The following CKAP2 variants were observed in gnomAD, a reference collection of about 807,000 sequenced individuals.
The protein encoded by CKAP2 is cytoskeleton-associated protein 2.
A neutral mutation model predicts 58.4 loss-of-function variants in CKAP2; 46 were observed. The observed-to-expected ratio is 0.79, with a 90% confidence interval of 0.62 to 1.01. CKAP2 has a LOEUF of 1.01. Among genes scored for constraint, CKAP2 ranks in the 50% least tolerant of loss-of-function variants. The pLI is 0.00. For missense variants in CKAP2, 809 were observed against 796.4 expected, an observed-to-expected ratio of 1.02 and a Z score of -0.19; for synonymous variants, 293 against 280.9, an observed-to-expected ratio of 1.04 and a Z score of -0.43.
chr13:52,461,790 A>ATG lies in CKAP2; in HGVS notation c.965_966insGT (p.Ile322MetfsTer2). 1 of 1,614,144 alleles carries ATG rather than the reference A, an allele frequency of 6.2e-7. No homozygotes were observed. Among genetic ancestry groups the ATG allele is most frequent in the Non-Finnish European group, 8.5e-7 (1 of 1,179,984 alleles). ...ATCAAGATCCATAGCATCTGAAGTT[A>ATG]TAGCCAGGCCTGCTTCATTGTCTAA... On this transcript the variant is annotated frameshift_variant, in exon 4 of 9. Transcript: ENST00000258607. LOFTEE classifies it high-confidence loss of function.
At chr13:52,471,348 G>A (rs1175385864) in intron 7 of CKAP2, among the ~76,000 whole-genome samples, 1 of 152,080 alleles carries the variant, frequency 6.6e-6, no homozygotes, top group Non-Finnish European at 1.5e-5. Context: ...GTGTTTTCTA[G>A]CAGGTATCAT....
intron 6 of CKAP2, among the ~76,000 whole-genome samples, chr13:52,466,032 CACATATAT>C (rs1958672514): frequency 6.6e-6 from 1 of 150,576 alleles, no homozygotes; most frequent in African/African-American, 2.4e-5. Context: ...TACACATATA[CACATATAT>C]ACACACACAC....
At chr13:52,456,477 A>C (rs749344408) in intron 1 of CKAP2, 46 bp from the exon 2 acceptor site, 1 of 1,372,630 alleles carries the variant, frequency 7.3e-7, no homozygotes, top group Non-Finnish European at 1.0e-6. Flanking sequence ...GCCGTTATCG[A>C]TGTTTTAACT....
At position 52,462,435 on chromosome 13, in the gene CKAP2, G is replaced by A. The variant is rs1477222668; in HGVS notation, c.1173G>A (p.Gln391=). The change falls in exon 5 of 9, where the codon CAG becomes CAA. Residue 391 remains glutamine (Q), a synonymous_variant. Coordinates refer to ENST00000258607, the MANE Select transcript of CKAP2 (RefSeq NM_018204.5). ...GGCCCCCTAATTCAGTAGTTACTCA[G>A]CATGAGCCTGCAGGACAAAATGAAA... The part of the protein sequence containing the change: ...LKRPPNSVVT[Q]HEPAGQNEKP... 6.2e-7 allele frequency: 1 copy of A among 1,614,084 alleles called. No homozygotes were observed. Among genetic ancestry groups the A allele is most frequent in the African/African-American group, 1.3e-5 (1 of 75,044 alleles).
At chr13:52,473,536 G>A (rs1357593567) in intron 7 of CKAP2, 4 of 250,496 alleles carry the variant, frequency 1.6e-5, no homozygotes, top group Non-Finnish European at 2.3e-5. Flanking sequence ...CCTAAATCTC[G>A]CTTGTGAAGC....
At chr13:52,465,035 A>G (rs1958643912) in intron 5 of CKAP2, among the ~76,000 whole-genome samples, 1 of 152,234 alleles carries the variant, frequency 6.6e-6, no homozygotes, top group Admixed American at 6.5e-5. Flanking sequence ...AAGACGAGGA[A>G]AAAAAACTCC....
chr13:52,475,052 C>T lies in CKAP2; in HGVS notation c.1960C>T (p.Leu654=). Reference sequence around the variant, plus strand: ...TCCTTGTGTGTCTTCATTGGAACAGCTAACGGAGTTGGGAAGAGAAACTGA... The same window carrying T: ...TCCTTGTGTGTCTTCATTGGAACAGTTAACGGAGTTGGGAAGAGAAACTGA... ...HYPCVSSLEQ[L]TELGRETDAF... The change falls in exon 9 of 9, where the codon CTA becomes TTA. Residue 654 remains leucine, a synonymous_variant. Transcript: ENST00000258607. 2 of 1,614,202 alleles carry T rather than the reference C, an allele frequency of 1.2e-6. No individual in the cohort carries two copies. Among genetic ancestry groups the T allele is most frequent in the East Asian group, 4.5e-5 (2 of 44,884 alleles).
intron 5 of CKAP2, among the ~76,000 whole-genome samples, chr13:52,463,841 G>C (rs1003333795): frequency 3.3e-5 from 5 of 152,254 alleles, no homozygotes; most frequent in African/African-American, 1.2e-4. Context: ...TTCTTTTTCT[G>C]TTCTGGATAA....
In CKAP2 at chr13:52,476,303, T is replaced by C. The variant is rs529888290; in HGVS notation, c.*1162T>C. On this transcript the variant is annotated 3_prime_UTR_variant, in exon 9 of 9. Coordinates refer to ENST00000258607, the MANE Select transcript of CKAP2 (RefSeq NM_018204.5). ...TCTCATGTTCTAGAGAGTAGGACTTTTATTCCGTGTACCTGATATATATAC... is the reference window on the plus strand; with the variant it reads ...TCTCATGTTCTAGAGAGTAGGACTTCTATTCCGTGTACCTGATATATATAC... 3 of 152,230 alleles carry C rather than the reference T, an allele frequency of 2.0e-5. No individual in the cohort carries two copies. The highest frequency in any genetic ancestry group is 2.9e-5 in the Non-Finnish European group (2 of 68,028). The allele number at this position is 152,230 out of a possible 1,614,324, so 9.4% of individuals were successfully genotyped here. A position where few individuals can be genotyped will look rare whatever the true frequency, so the allele number is the denominator to read the frequency against.
At chr13:52,455,713 C>T in intron 1 of CKAP2, 87 bp downstream of exon 1, 1 of 1,318,118 alleles carries the variant, frequency 7.6e-7, no homozygotes, top group Non-Finnish European at 9.8e-7. Flanking sequence ...GCCGCGCTGG[C>T]GCGCTTCACC....
chr13:52,455,635 CGCG>C lies in CKAP2; in HGVS notation c.70+11_70+13del. On this transcript the variant is annotated intron_variant, in intron 1 of 8. Coordinates refer to ENST00000258607, the MANE Select transcript of CKAP2 (RefSeq NM_018204.5). ...GCAGTCCGCATTCAAAGGTGAAGGC[CGCG>C]GTGGCGGTGGCGGTGGCGGTGGCGG... The C allele has an allele frequency of 6.4e-7, 1 of 1,562,974 alleles. No homozygotes were observed. The highest frequency in any genetic ancestry group is 1.2e-5 in the South Asian group (1 of 86,218).
chr13:52,462,697 CTG>C, intron 5 of CKAP2, 130 bp downstream of exon 5: 1 of 676,454 alleles, frequency 1.5e-6, no homozygotes, highest in South Asian at 2.0e-5. Context: ...TTAACATTAA[CTG>C]TGAGGTTATT....
chr13:52,461,970 G>C, intron 4 of CKAP2, 44 bp downstream of exon 4: 1 of 1,460,808 alleles, frequency 6.8e-7, no homozygotes, highest in Non-Finnish European at 9.2e-7. Flanking sequence ...TTTCAATAAA[G>C]TACTGTTTGT....
chr13:52,465,470 G>A lies in CKAP2; in HGVS notation c.1476+5G>A, dbSNP rs773311360. 3.5e-5 allele frequency: 57 copies of A among 1,608,678 alleles called. 2 individuals are homozygous for A. The South Asian group carries it at 6.3e-4, about 18-fold the overall frequency. On this transcript the variant is annotated splice_donor_5th_base_variant and intron_variant, in intron 6 of 8. Coordinates refer to ENST00000258607, the MANE Select transcript of CKAP2 (RefSeq NM_018204.5). Reference sequence around the variant, plus strand: ...GCCATTCTGGCAGGGGCTCAGGTAAGATAAAAATTTACTGATCTTTACAAT... The same window carrying A: ...GCCATTCTGGCAGGGGCTCAGGTAAAATAAAAATTTACTGATCTTTACAAT...
At chr13:52,460,580 G>A (rs918228071) in intron 2 of CKAP2, among the ~76,000 whole-genome samples, 3 of 149,006 alleles carry the variant, frequency 2.0e-5, no homozygotes, top group Non-Finnish European at 3.0e-5. Flanking sequence ...TAGTAGCTGG[G>A]ACTACAGGAC....
chr13:52,458,788 C>G (rs1463538048), intron 2 of CKAP2, among the ~76,000 whole-genome samples: 1 of 150,570 alleles, frequency 6.6e-6, no homozygotes, highest in Non-Finnish European at 1.5e-5. Flanking sequence ...ACCTGGGAGG[C>G]GGAGGTTGCA....
rs1415062852 is a variant in CKAP2, at chr13:52,475,855, A to G, written c.*714A>G. On this transcript the variant is annotated 3_prime_UTR_variant, in exon 9 of 9. Coordinates refer to ENST00000258607, the MANE Select transcript of CKAP2 (RefSeq NM_018204.5). ...TCTAAGAGAAGATACTTTGTGTAAG[A>G]AAAGATGCCACATTTAGTGGTTTAA... 6.6e-6 allele frequency: 1 copy of G among 152,236 alleles called. No individual in the cohort carries two copies. Among genetic ancestry groups the G allele is most frequent in the African/African-American group, 2.4e-5 (1 of 41,456 alleles). 9.4% of individuals were successfully genotyped at this position (152,236 alleles called of 1,614,324 possible). A position where few individuals can be genotyped will look rare whatever the true frequency, so the allele number is the denominator to read the frequency against.
At position 52,461,176 on chromosome 13, in the gene CKAP2, C is replaced by A; in HGVS notation, c.350C>A (p.Thr117Lys). 6.2e-7 allele frequency: 1 copy of A among 1,613,896 alleles called. No individual in the cohort carries two copies. Among genetic ancestry groups the A allele is most frequent in the Non-Finnish European group, 8.5e-7 (1 of 1,179,976 alleles). ...ACCAATTCAACTGTAGTAATTGACA[C>A]ACATAAACCTAAGGATAGTAATCAA... The part of the protein sequence containing the change: ...ELTNSTVVID[T>K]HKPKDSNQTP... Residue 117 changes from threonine (T) to lysine (K), a missense_variant, in exon 4 of 9, where the codon ACA becomes AAA. Coordinates refer to ENST00000258607, the MANE Select transcript of CKAP2 (RefSeq NM_018204.5).
chr13:52,465,395 T>C lies in CKAP2; in HGVS notation c.1406T>C (p.Ile469Thr), dbSNP rs201479437. 179 of 1,613,566 alleles carry C rather than the reference T, an allele frequency of 1.1e-4. No individual in the cohort carries two copies. The highest frequency in any genetic ancestry group is 3.3e-4 in the Middle Eastern group (2 of 6,054). Residue 469 changes from isoleucine to threonine, a missense_variant, in exon 6 of 9, where the codon ATT (isoleucine) becomes ACT (threonine). Ile to Thr is a moderately conservative substitution (Grantham distance 89, BLOSUM62 -1). Transcript: ENST00000258607. ...AAGTATTGGATATGTCTTGCACTTA[T>C]TGAACCAATCACAAGTCCTATTGAA... ...LVKYWICLAL[I>T]EPITSPIENI...
Sources: gnomAD v4.1 joint callset for allele counts (sites outside exome capture counted in the v4.1 genomes callset) on GRCh38, gnomAD v4.1.1 for gene constraint, MANE v1.5 for transcripts, NCBI Gene and HGNC (gene_info 2026-07-23, HGNC 2026-07-21) for gene names.